Variants in CHRNA7 observed in about 807,000 individuals in gnomAD.
CHRNA7 encodes neuronal acetylcholine receptor subunit alpha-7.
CHRNA7 carries 17 observed loss-of-function variants against 48.0 expected under a neutral mutation model. The observed-to-expected ratio is 0.35, with a 90% CI of 0.24 to 0.53. The LOEUF is 0.53. Ranked by LOEUF, CHRNA7 falls within the 20% of genes least tolerant of loss-of-function variation. The pLI is 0.92. For synonymous variants in CHRNA7, 75 were observed against 242.3 expected (o/e 0.31, Z 6.41); for missense variants, 155 against 577.7 (o/e 0.27, Z 7.50).
At chr15:32,158,707 TCCTGGGGATTC>T in intron 7 of CHRNA7, 101 bp downstream of exon 7, 1 of 861,344 alleles carries the variant, frequency 1.2e-6, no homozygotes, top group Non-Finnish European at 1.8e-6. Flanking sequence ...CCATCAGGGT[TCCTGGGGATTC>T]CCTGGCTCAT....
chr15:32,093,654 C>T (rs1229982620), intron 2 of CHRNA7, among the ~76,000 whole-genome samples: 1 of 152,174 alleles, frequency 6.6e-6, no homozygotes, highest in Admixed American at 6.5e-5. Flanking sequence ...ACCCACCTGC[C>T]TCTGTTCACC....
At chr15:32,107,498 A>G (rs766883084) in intron 3 of CHRNA7, among the ~76,000 whole-genome samples, 4 of 151,114 alleles carry the variant, frequency 2.6e-5, no homozygotes, top group Non-Finnish European at 4.4e-5. Context: ...ATATCTACTT[A>G]TATAAAATAC....
intron 2 of CHRNA7, among the ~76,000 whole-genome samples, chr15:32,038,989 T>C (rs1486579060): frequency 6.6e-6 from 1 of 152,218 alleles, no homozygotes; most frequent in Non-Finnish European, 1.5e-5. Context: ...GTTTGAGTTT[T>C]GAGAAATTTT....
Position 32,130,243 on chromosome 15 carries a change from G to T in CHRNA7, c.350+18344G>T, listed in dbSNP as rs576171930. Among the ~76,000 whole-genome samples, 3 of 151,938 alleles carry T rather than the reference G, an allele frequency of 2.0e-5. No homozygotes were observed. In the East Asian group the frequency reaches 5.8e-4, roughly 29 times the overall value. ...ATCCTTGCTGATTTTCTGTCTAGTT[G>T]CCCTGTCATGAATTATTGAGAGAGG... On this transcript the variant is annotated intron_variant, in intron 4 of 9. Transcript: ENST00000306901.
At chr15:32,080,048 G>C (rs2050192373) in intron 2 of CHRNA7, among the ~76,000 whole-genome samples, 1 of 152,072 alleles carries the variant, frequency 6.6e-6, no homozygotes, top group Admixed American at 6.6e-5. Flanking sequence ...CAAGCAATGG[G>C]GAAAGGATTT....
intron 2 of CHRNA7, among the ~76,000 whole-genome samples, chr15:32,045,559 C>T (rs1247934222): frequency 6.7e-6 from 1 of 150,218 alleles, no homozygotes; most frequent in Non-Finnish European, 1.5e-5. Context: ...TTTTTTGAGA[C>T]AGAGTCTCAC....
upstream of CHRNA7, chr15:32,030,507 G>T (rs1439793357): frequency 3.9e-6 from 5 of 1,283,678 alleles, no homozygotes; most frequent in African/African-American, 6.3e-5. Context: ...CGAGCCGAGC[G>T]GCGAGGTGCC....
chr15:32,056,294 A>G (rs2049787034), intron 2 of CHRNA7, among the ~76,000 whole-genome samples: 1 of 152,002 alleles, frequency 6.6e-6, no homozygotes. Context: ...TGTTTTAGTG[A>G]ATTTTTGTTA....
At position 32,169,186 on chromosome 15, in the gene CHRNA7, GGATCCCA is replaced by G. The variant is rs1209523135; in HGVS notation, c.*732_*738del. 6.9e-6 allele frequency: 1 copy of G among 144,964 alleles called. No individual in the cohort carries two copies. The highest frequency in any genetic ancestry group is 1.6e-5 in the Non-Finnish European group (1 of 64,306). 9.0% of individuals were successfully genotyped at this position (144,964 alleles called of 1,614,324 possible). A position where few individuals can be genotyped will look rare whatever the true frequency, so the allele number is the denominator to read the frequency against. On this transcript the variant is annotated 3_prime_UTR_variant, in exon 10 of 10. Transcript: ENST00000306901. ...CCAGGCCCCGCGGAGTGTCTTTGGT[GGATCCCA>G]GATAACTCCTAGGTGCTGCTCTCAG...
At position 32,075,924 on chromosome 15, in the gene CHRNA7, T is replaced by C. The variant is rs890117959; in HGVS notation, c.196-25379T>C. On this transcript the variant is annotated intron_variant, in intron 2 of 9. Transcript: ENST00000306901. The stretch of plus-strand genomic sequence containing the variant: ...ATTCAAAATATATTTTTAAAAATTA[T>C]CTTGATTCTTTCTTTTTGACCTACA... Among the ~76,000 whole-genome samples the C allele has an allele frequency of 1.1e-4, 16 of 152,292 alleles. No individual in the cohort carries two copies. In the East Asian group the frequency reaches 1.3e-3, roughly 13 times the overall value.
At chr15:32,136,639 A>G (rs1176040678) in intron 4 of CHRNA7, among the ~76,000 whole-genome samples, 1 of 152,196 alleles carries the variant, frequency 6.6e-6, no homozygotes, top group African/African-American at 2.4e-5. Context: ...TAAGTGAAAT[A>G]TACAAGGTTA....
chr15:32,036,987 T>C (rs1902122547), intron 2 of CHRNA7, among the ~76,000 whole-genome samples: 1 of 152,204 alleles, frequency 6.6e-6, no homozygotes, highest in African/African-American at 2.4e-5. Flanking sequence ...TCTGGTATTG[T>C]ATCTAAAAAG....
intron 2 of CHRNA7, among the ~76,000 whole-genome samples, chr15:32,043,111 G>T (rs552991559): frequency 6.6e-6 from 1 of 152,092 alleles, no homozygotes; most frequent in Non-Finnish European, 1.5e-5. Context: ...GTATTAACAG[G>T]CATTGATTTT....
intron 4 of CHRNA7, among the ~76,000 whole-genome samples, chr15:32,137,046 A>AG (rs1555386607): frequency 6.8e-6 from 1 of 147,288 alleles, no homozygotes; most frequent in Non-Finnish European, 1.5e-5. Flanking sequence ...AAAAAAAAAA[A>AG]GAAAAAAAAA....
rs144748128 is a variant in CHRNA7, at chr15:32,116,593, G to A, written c.350+4694G>A. Among the ~76,000 whole-genome samples, 718 of 152,300 alleles carry A rather than the reference G, an allele frequency of 4.7e-3. 6 individuals are homozygous for A. The highest frequency in any genetic ancestry group is 0.01 in the Middle Eastern group (3 of 294). On this transcript the variant is annotated intron_variant, in intron 4 of 9. Transcript: ENST00000306901. ...GGGTAGCAATTATGGATGGCTTGCC[G>A]TGATTTTCCCCTTTGGATGGAATTA...
intron 2 of CHRNA7, among the ~76,000 whole-genome samples, chr15:32,092,232 C>G (rs770142012): frequency 1.2e-4 from 19 of 152,164 alleles, no homozygotes; most frequent in Non-Finnish European, 2.1e-4. Context: ...CATCTAACTA[C>G]GTAATAATTT....
chr15:32,150,598 A>AT (rs1318063736), intron 4 of CHRNA7, among the ~76,000 whole-genome samples: 1 of 152,222 alleles, frequency 6.6e-6, no homozygotes, highest in African/African-American at 2.4e-5. Context: ...GGACACATAA[A>AT]TTAACACAAC....
chr15:32,060,465 T>C (rs2049861796), intron 2 of CHRNA7, among the ~76,000 whole-genome samples: 1 of 152,140 alleles, frequency 6.6e-6, no homozygotes, highest in Admixed American at 6.5e-5. Flanking sequence ...ACTGTAAGAA[T>C]AGAAATAGGA....
intron 3 of CHRNA7, among the ~76,000 whole-genome samples, chr15:32,110,133 G>C (rs566754281): frequency 1.3e-5 from 2 of 152,230 alleles, no homozygotes; most frequent in Non-Finnish European, 2.9e-5. Flanking sequence ...ACACAGAGAA[G>C]CATCCCAGGG....
Sources: gnomAD v4.1 joint callset for allele counts (sites outside exome capture counted in the v4.1 genomes callset) on GRCh38, gnomAD v4.1.1 for gene constraint, MANE v1.5 for transcripts, NCBI Gene and HGNC (gene_info 2026-07-23, HGNC 2026-07-21) for gene names.